Variants in ADGRG2 observed in about 807,000 individuals in gnomAD.
The protein encoded by ADGRG2 is adhesion G protein-coupled receptor G2.
In ADGRG2, 26 loss-of-function variants were observed where a neutral mutation model predicts 74.1. The observed-to-expected ratio is 0.35, with a 90% CI of 0.26 to 0.49. The LOEUF (loss-of-function observed/expected upper bound fraction) is 0.49. Among genes scored for constraint, ADGRG2 ranks in the 20% least tolerant of loss-of-function variants. The probability of loss-of-function intolerance (pLI) is 0.99; values close to 1 mark genes in which losing one functional copy is unlikely to be tolerated. For synonymous variants in ADGRG2, 296 were observed against 295.2 expected (o/e 1.00, Z -0.03); for missense variants, 619 against 763.1 (o/e 0.81, Z 2.22).
chrX:18,994,903 G>A lies in ADGRG2; in HGVS notation c.2862C>T (p.Ser954=), dbSNP rs771270095. 1.5e-5 allele frequency: 18 copies of A among 1,189,740 alleles called. No homozygotes were observed. The highest frequency in any genetic ancestry group is 6.9e-5 in the Admixed American group (3 of 43,659). ...LVNNDCSVHA[S]GNGNASTERN... ...ATATTGAGACATACATACCATTCCC[G>A]CTTGCGTGTACTGAGCAATCATTAT... The change falls in exon 28 of 29, where the codon AGC becomes AGT. Residue 954 remains serine, a synonymous_variant. Coordinates refer to ENST00000379869, the MANE Select transcript of ADGRG2 (RefSeq NM_001079858.3).
rs770089334 is a variant in ADGRG2 at position 19,068,785 on chromosome X, A to C, written c.50T>G (p.Val17Gly). ...QCGHVGRTEE[V>G]LLTFKIFLVI... ...AAGGAATATCTTGAACGTCAGTAAAACTTCTTCAGTTCTGCCAACATGGCC... is the reference window on the plus strand; with the variant it reads ...AAGGAATATCTTGAACGTCAGTAAACCTTCTTCAGTTCTGCCAACATGGCC... Residue 17 changes from valine (V) to glycine (G), a missense_variant, in exon 3 of 29, where the codon GTT (valine) becomes GGT (glycine). Coordinates refer to ENST00000379869, the MANE Select transcript of ADGRG2 (RefSeq NM_001079858.3). 1.7e-6 allele frequency: 2 copies of C among 1,172,031 alleles called. No homozygotes were observed. Among genetic ancestry groups the C allele is most frequent in the Non-Finnish European group, 2.3e-6 (2 of 862,908 alleles).
chrX:19,017,958 T>G (rs763624278), intron 15 of ADGRG2, among the ~76,000 whole-genome samples: 2 of 111,488 alleles, frequency 1.8e-5, no homozygotes, highest in South Asian at 7.5e-4. Flanking sequence ...CCTCCCTGTT[T>G]TTTTCTATGT....
intron 3 of ADGRG2, among the ~76,000 whole-genome samples, chrX:19,046,661 C>T (rs941547262): frequency 5.4e-5 from 6 of 111,971 alleles, no homozygotes; most frequent in Non-Finnish European, 1.1e-4. Flanking sequence ...TGGAGCAATC[C>T]AGAGGTGAGC....
intron 2 of ADGRG2, among the ~76,000 whole-genome samples, chrX:19,082,487 C>A (rs1459205389): frequency 9.0e-6 from 1 of 111,256 alleles, no homozygotes; most frequent in African/African-American, 3.3e-5. Flanking sequence ...AACAGGTCAA[C>A]AATAGAATCC....
chrX:19,094,846 A>G (rs2062069882), intron 1 of ADGRG2, among the ~76,000 whole-genome samples: 1 of 112,442 alleles, frequency 8.9e-6, no homozygotes, highest in Non-Finnish European at 1.9e-5. Flanking sequence ...AAACTCCTCT[A>G]TCACCAGGGA....
At chrX:19,076,641 C>T (rs986976252) in intron 2 of ADGRG2, among the ~76,000 whole-genome samples, 10 of 111,188 alleles carry the variant, frequency 9.0e-5, no homozygotes, top group East Asian at 2.8e-4. Context: ...TGGTGGCTGG[C>T]ACCTGTAACC....
At chrX:19,117,115 C>T (rs2062532346) in intron 1 of ADGRG2, among the ~76,000 whole-genome samples, 1 of 109,286 alleles carries the variant, frequency 9.2e-6, no homozygotes, top group African/African-American at 3.3e-5. Flanking sequence ...GATGGTGAAA[C>T]CTCGTCTCTA....
chrX:19,052,216 TC>T (rs1161022540), intron 3 of ADGRG2, among the ~76,000 whole-genome samples: 1 of 112,034 alleles, frequency 8.9e-6, no homozygotes, highest in Non-Finnish European at 1.9e-5. Flanking sequence ...CCATACCATC[TC>T]CATTCACTCT....
chrX:19,028,072 C>T (rs1205241938), intron 10 of ADGRG2, 111 bp downstream of exon 10: 14 of 490,211 alleles, frequency 2.9e-5, no homozygotes, highest in East Asian at 2.7e-4. Flanking sequence ...TAAATTTGGT[C>T]ATAACAATAA....
intron 13 of ADGRG2, among the ~76,000 whole-genome samples, chrX:19,021,920 T>A (rs1172043421): frequency 9.2e-6 from 1 of 108,810 alleles, no homozygotes; most frequent in African/African-American, 3.3e-5. Context: ...AGTGCTGGGA[T>A]TACAAGTGTG....
At chrX:19,061,028 T>C (rs996469924) in intron 3 of ADGRG2, among the ~76,000 whole-genome samples, 10 of 111,885 alleles carry the variant, frequency 8.9e-5, no homozygotes, top group Non-Finnish European at 1.1e-4. Flanking sequence ...TACTGGCTGA[T>C]TGAACTCACA....
chrX:19,049,651 G>A (rs1193212525), intron 3 of ADGRG2, among the ~76,000 whole-genome samples: 1 of 108,754 alleles, frequency 9.2e-6, no homozygotes, highest in Non-Finnish European at 1.9e-5. Context: ...TAGCTCATCA[G>A]CTATCATGTT....
In ADGRG2 at chrX:19,013,904, G is replaced by C; in HGVS notation, c.881C>G (p.Ser294Cys). Reference sequence around the variant, plus strand: ...AAGGGGTTGAATCTCCCCTATTGGAGAGGGAACATTGTGGGTCACAGGTGA... The same window carrying C: ...AAGGGGTTGAATCTCCCCTATTGGACAGGGAACATTGTGGGTCACAGGTGA... ...DYSPVTHNVP[S>C]PIGEIQPLSP... is the part of the protein sequence containing the mutation. Residue 294 changes from serine to cysteine, a missense_variant, in exon 16 of 29, where the codon TCT becomes TGT. Transcript: ENST00000379869. 8.3e-7 allele frequency: 1 copy of C among 1,210,192 alleles called. No homozygotes were observed.
intron 3 of ADGRG2, among the ~76,000 whole-genome samples, chrX:19,051,113 C>T (rs768306476): frequency 6.3e-5 from 7 of 111,895 alleles, no homozygotes; most frequent in Admixed American, 9.5e-5. Context: ...CTCGCTCTTT[C>T]GCCCAGGCCG....
At chrX:19,010,203 C>A (rs1390488533) in intron 17 of ADGRG2, among the ~76,000 whole-genome samples, 6 of 108,570 alleles carry the variant, frequency 5.5e-5, no homozygotes, top group Non-Finnish European at 1.1e-4. Flanking sequence ...TCACTGCAAC[C>A]TCCACCTCCT....
chrX:18,994,804 C>T (rs2059987175), intron 28 of ADGRG2, 92 bp downstream of exon 28: 3 of 631,770 alleles, frequency 4.7e-6, no homozygotes, highest in East Asian at 3.5e-5. Context: ...TTAATAGTTA[C>T]TCACTTTGCT....
At chrX:19,091,043 G>A (rs1307884646) in intron 1 of ADGRG2, among the ~76,000 whole-genome samples, 1 of 111,131 alleles carries the variant, frequency 9.0e-6, no homozygotes, top group Admixed American at 9.7e-5. Context: ...AGGAAAGACC[G>A]TATCAAGTAG....
intron 3 of ADGRG2, among the ~76,000 whole-genome samples, chrX:19,061,240 G>GT (rs1289448576): frequency 4.9e-5 from 5 of 102,971 alleles, no homozygotes; most frequent in Admixed American, 2.0e-4. Flanking sequence ...TGTAAGCTGA[G>GT]GGGGGGCCCA....
intron 5 of ADGRG2, 39 bp downstream of exon 5, chrX:19,037,550 T>C (rs746389335): frequency 2.6e-6 from 3 of 1,148,758 alleles, no homozygotes; most frequent in South Asian, 3.8e-5. Context: ...CTTTAACAAA[T>C]TGGACTAAAT....
Sources: gnomAD v4.1 joint callset for allele counts (sites outside exome capture counted in the v4.1 genomes callset) on GRCh38, gnomAD v4.1.1 for gene constraint, MANE v1.5 for transcripts, NCBI Gene and HGNC (gene_info 2026-07-23, HGNC 2026-07-21) for gene names.